Variants in DPP8 observed in about 807,000 individuals in gnomAD.
The protein encoded by DPP8 is dipeptidyl peptidase 8.
Under a neutral mutation model 107.5 loss-of-function variants are expected in DPP8, and 31 were observed. That is an observed-to-expected ratio of 0.29 (90% CI 0.22 to 0.39). The LOEUF (loss-of-function observed/expected upper bound fraction) is 0.39, where lower values mean the gene tolerates loss of function less well. DPP8 is among the 10% of genes least tolerant of loss of function. DPP8 has a pLI of 1.00. For synonymous variants in DPP8, 381 were observed against 356.6 expected (o/e 1.07, Z -0.77); for missense variants, 842 against 1,076.1 (o/e 0.78, Z 3.04).
At chr15:65,489,485 C>T (rs1205845532) in intron 6 of DPP8, among the ~76,000 whole-genome samples, 2 of 131,778 alleles carry the variant, frequency 1.5e-5, no homozygotes, top group African/African-American at 5.9e-5. Flanking sequence ...GTGATCTTGG[C>T]TCATTGCAAG....
rs1368170049 is a variant in DPP8 at position 65,515,653 on chromosome 15, T to A, written c.-12+1833A>T. The A allele has an allele frequency of 2.5e-6, 4 of 1,613,790 alleles. No individual in the cohort carries two copies. In the East Asian group the frequency reaches 8.9e-5, roughly 36 times the overall value. On this transcript the variant is annotated intron_variant, in intron 1 of 19. Coordinates refer to ENST00000300141, the MANE Select transcript of DPP8 (RefSeq NM_130434.5). ...TCACTTAAGTAGTTTCCCTGGTGCC[T>A]ACCTGATTTTATTTTCATCTGCTCA...
intron 3 of DPP8, among the ~76,000 whole-genome samples, chr15:65,504,111 C>A (rs2069616725): frequency 6.6e-6 from 1 of 151,818 alleles, no homozygotes; most frequent in Non-Finnish European, 1.5e-5. Flanking sequence ...GCCTGTAATC[C>A]CAGCACTCAG....
intron 15 of DPP8, among the ~76,000 whole-genome samples, chr15:65,463,226 T>A (rs2065062193): frequency 6.6e-6 from 1 of 152,158 alleles, no homozygotes; most frequent in Admixed American, 6.6e-5. Context: ...AGAACTATAG[T>A]CCACACTGCA....
intron 19 of DPP8, among the ~76,000 whole-genome samples, chr15:65,450,070 C>A (rs2063863210): frequency 6.6e-6 from 1 of 151,902 alleles, no homozygotes; most frequent in African/African-American, 2.4e-5. Context: ...CCAGTTCAAG[C>A]AGTTCTCCTG....
chr15:65,456,970 A>C (rs1158333187), intron 15 of DPP8, among the ~76,000 whole-genome samples: 1 of 152,178 alleles, frequency 6.6e-6, no homozygotes, highest in Non-Finnish European at 1.5e-5. Flanking sequence ...CATCTTTTGC[A>C]TGGCTCATTC....
At chr15:65,480,685 C>T (rs1484145760) in intron 9 of DPP8, among the ~76,000 whole-genome samples, 1 of 152,174 alleles carries the variant, frequency 6.6e-6, no homozygotes, top group Non-Finnish European at 1.5e-5. Flanking sequence ...ATAATCCCAG[C>T]ACTTTGGGAG....
At chr15:65,485,281 C>T (rs1045541611) in intron 7 of DPP8, 121 bp from the exon 8 acceptor site, 11 of 690,282 alleles carry the variant, frequency 1.6e-5, no homozygotes, top group African/African-American at 9.0e-5. Context: ...CAGTGGCTCA[C>T]GCCTGTAATC....
rs145880466 is a variant in DPP8 at position 65,507,831 on chromosome 15, C to CA, written c.260-477dup. On this transcript the variant is annotated intron_variant, in intron 2 of 19. Transcript: ENST00000300141. ...AAATTGTGAGTCCTTTACAAGTTGG[C>CA]AACAGGCTCATGAGATTCCAATATA... Among the ~76,000 whole-genome samples, 195 of 152,200 alleles carry CA rather than the reference C, an allele frequency of 1.3e-3. 1 individual carries two copies. Among genetic ancestry groups the CA allele is most frequent in the African/African-American group, 4.5e-3 (186 of 41,518 alleles).
rs77051609 is a variant in DPP8 at position 65,464,875 on chromosome 15, C to G, written c.1826-969G>C. Among the ~76,000 whole-genome samples, 1,242 of 151,966 alleles carry G rather than the reference C, an allele frequency of 8.2e-3. 16 individuals carry two copies. The highest frequency in any genetic ancestry group is 0.029 in the African/African-American group (1,183 of 41,386). ...ATTAAACCATATATCTGGTTAGAAA[C>G]AGATAAAGCTGGGTGGGGGGGTGAG... is the stretch of plus-strand genomic sequence containing the variant. On this transcript the variant is annotated intron_variant, in intron 14 of 19. Transcript: ENST00000300141.
intron 9 of DPP8, among the ~76,000 whole-genome samples, chr15:65,481,259 A>G (rs1005448887): frequency 2.0e-5 from 3 of 152,248 alleles, no homozygotes; most frequent in Admixed American, 6.5e-5. Flanking sequence ...AAGCCATATG[A>G]TTTAATCACA....
At chr15:65,452,607 T>C (rs1452245111) in intron 17 of DPP8, among the ~76,000 whole-genome samples, 2 of 152,176 alleles carry the variant, frequency 1.3e-5, no homozygotes, top group East Asian at 1.9e-4. Context: ...TCAGAATTTA[T>C]TTATGGTTAT....
chr15:65,514,857 G>T (rs568352485), intron 1 of DPP8, among the ~76,000 whole-genome samples: 15 of 152,260 alleles, frequency 9.9e-5, no homozygotes, highest in African/African-American at 3.6e-4. Flanking sequence ...AATGAGAAAA[G>T]AACCTATACA....
intron 9 of DPP8, among the ~76,000 whole-genome samples, chr15:65,480,772 T>G (rs2140747202): frequency 6.6e-6 from 1 of 152,250 alleles, no homozygotes; most frequent in Non-Finnish European, 1.5e-5. Context: ...CACTACAGTC[T>G]GGGTGACACA....
intron 2 of DPP8, among the ~76,000 whole-genome samples, chr15:65,508,974 T>G (rs958372856): frequency 1.3e-5 from 2 of 152,158 alleles, no homozygotes. Flanking sequence ...GTTTCTGAAT[T>G]ATTAATGCCA....
intron 15 of DPP8, among the ~76,000 whole-genome samples, chr15:65,461,311 A>T (rs1230602841): frequency 1.3e-5 from 2 of 151,848 alleles, no homozygotes; most frequent in African/African-American, 4.8e-5. Flanking sequence ...CGCCTAGCTA[A>T]CTTTATTTTT....
intron 9 of DPP8, 127 bp from the exon 10 acceptor site, chr15:65,480,526 T>C (rs2066826248): frequency 5.5e-6 from 3 of 543,886 alleles, no homozygotes; most frequent in Non-Finnish European, 9.4e-6. Context: ...CTTTAGTGTA[T>C]ATTAAATTAT....
In DPP8 at chr15:65,449,415, A is replaced by G. The variant is rs539730775; in HGVS notation, c.2526+1584T>C. On this transcript the variant is annotated intron_variant, in intron 19 of 19. Transcript: ENST00000300141. ...CTGAAAAAGCTAAAATACTCCTCCC[A>G]TTTCCTTTTTTTTAAGACAGAGTCC... Among the ~76,000 whole-genome samples the G allele has an allele frequency of 2.6e-5, 4 of 151,008 alleles. No individual in the cohort carries two copies. The East Asian group carries it at 7.8e-4, about 29-fold the overall frequency.
chr15:65,488,805 G>A (rs1464332211), intron 6 of DPP8, among the ~76,000 whole-genome samples: 2 of 152,150 alleles, frequency 1.3e-5, no homozygotes, highest in Admixed American at 6.5e-5. Flanking sequence ...GCTTTAGTGA[G>A]CTTCTTCTCA....
chr15:65,508,645 G>C (rs1193389126), intron 2 of DPP8, among the ~76,000 whole-genome samples: 1 of 152,128 alleles, frequency 6.6e-6, no homozygotes, highest in Non-Finnish European at 1.5e-5. Flanking sequence ...CTGAGGTCAG[G>C]AGCTCGAGAC....
Sources: allele counts gnomAD v4.1 joint callset (sites outside exome capture counted in the v4.1 genomes callset), GRCh38; gene constraint gnomAD v4.1.1; transcripts MANE v1.5; gene names NCBI Gene and HGNC (gene_info 2026-07-23, HGNC 2026-07-21).